SYT1: variants seen among roughly 807,000 people sequenced by gnomAD.
SYT1 encodes the protein synaptotagmin 1.
SYT1 carries 8 observed loss-of-function variants against 44.8 expected under a neutral mutation model. That is an observed-to-expected ratio of 0.18 (90% CI 0.10 to 0.32). The LOEUF (loss-of-function observed/expected upper bound fraction) is 0.32, where lower values mean the gene tolerates loss of function less well. Among genes scored for constraint, SYT1 ranks in the 10% least tolerant of loss-of-function variants. The pLI, the probability that SYT1 is intolerant of heterozygous loss-of-function variation, is 1.00. For synonymous variants in SYT1, 154 were observed against 188.8 expected (o/e 0.82, Z 1.51); for missense variants, 286 against 509.3 (o/e 0.56, Z 4.22).
intron 4 of SYT1, among the ~76,000 whole-genome samples, chr12:79,282,038 GAGACTCTTCAAATC>G (rs1294331140): frequency 6.6e-6 from 1 of 152,100 alleles, no homozygotes; most frequent in Non-Finnish European, 1.5e-5. Context: ...ACCAGCAACA[GAGACTCTTCAAATC>G]TCCCTCTCTC....
intron 1 of SYT1, among the ~76,000 whole-genome samples, chr12:78,880,991 T>G (rs1485263440): frequency 1.3e-5 from 2 of 151,690 alleles, no homozygotes; most frequent in East Asian, 3.9e-4. Context: ...TTTTTCCAAC[T>G]GGCTTTTCTA....
At chr12:79,118,480 A>T (rs1879420223) in intron 3 of SYT1, among the ~76,000 whole-genome samples, 1 of 152,202 alleles carries the variant, frequency 6.6e-6, no homozygotes, top group African/African-American at 2.4e-5. Flanking sequence ...TCTTGATGTA[A>T]AAACTAATGG....
At chr12:78,921,864 G>A (rs141516146) in intron 1 of SYT1, among the ~76,000 whole-genome samples, 1 of 151,810 alleles carries the variant, frequency 6.6e-6, no homozygotes, top group African/African-American at 2.4e-5. Context: ...AGGATGAGGT[G>A]ATTTTGTAAA....
At chr12:79,078,154 G>A (rs1876788580) in intron 3 of SYT1, among the ~76,000 whole-genome samples, 1 of 152,034 alleles carries the variant, frequency 6.6e-6, no homozygotes, top group African/African-American at 2.4e-5. Context: ...TCATTGTCCA[G>A]TTGTAATTTA....
chr12:79,080,037 T>C (rs538503315), intron 3 of SYT1, among the ~76,000 whole-genome samples: 2 of 152,226 alleles, frequency 1.3e-5, no homozygotes, highest in Non-Finnish European at 1.5e-5. Context: ...AGTACAATAT[T>C]TTCTATTATT....
intron 1 of SYT1, among the ~76,000 whole-genome samples, chr12:78,922,897 G>T (rs1038975994): frequency 1.3e-5 from 2 of 151,856 alleles, no homozygotes; most frequent in Non-Finnish European, 2.9e-5. Context: ...TAAAAAATGT[G>T]GTTACTTGCC....
intron 2 of SYT1, among the ~76,000 whole-genome samples, chr12:79,012,710 T>C (rs1871496025): frequency 6.6e-6 from 1 of 152,208 alleles, no homozygotes; most frequent in South Asian, 2.1e-4. Flanking sequence ...AACAGCCAGC[T>C]GTCTACAAAC....
intron 3 of SYT1, among the ~76,000 whole-genome samples, chr12:79,052,726 CA>C (rs1400878651): frequency 2.0e-5 from 3 of 152,152 alleles, no homozygotes; most frequent in African/African-American, 2.4e-5. Context: ...CAAAAGAAGA[CA>C]TTTATGCAGC....
chr12:78,945,684 T>C (rs1380891037), intron 1 of SYT1, among the ~76,000 whole-genome samples: 2 of 152,106 alleles, frequency 1.3e-5, no homozygotes, highest in Admixed American at 6.6e-5. Flanking sequence ...TCTTTACTAA[T>C]GTAGATTTTG....
At chr12:79,375,710 T>C (rs2136059302) in intron 9 of SYT1, among the ~76,000 whole-genome samples, 1 of 152,352 alleles carries the variant, frequency 6.6e-6, no homozygotes, top group African/African-American at 2.4e-5. Flanking sequence ...TTATTGCTCA[T>C]AGTGTCACAA....
intron 3 of SYT1, among the ~76,000 whole-genome samples, chr12:79,166,633 G>A (rs942666816): frequency 6.6e-6 from 1 of 151,910 alleles, no homozygotes; most frequent in Admixed American, 6.6e-5. Flanking sequence ...AACCCTGGGG[G>A]ATAACATGCT....
At chr12:78,887,954 T>C (rs1276782367) in intron 1 of SYT1, among the ~76,000 whole-genome samples, 1 of 151,896 alleles carries the variant, frequency 6.6e-6, no homozygotes, top group Non-Finnish European at 1.5e-5. Context: ...CTGAATTTTA[T>C]TTCTAAAGAG....
chr12:79,112,742 T>C (rs2138097195), intron 3 of SYT1, among the ~76,000 whole-genome samples: 1 of 152,274 alleles, frequency 6.6e-6, no homozygotes. Flanking sequence ...TGAGTTTTTA[T>C]ACTAAACAAA....
At chr12:78,947,482 C>G (rs969313395) in intron 1 of SYT1, among the ~76,000 whole-genome samples, 46 of 146,916 alleles carry the variant, frequency 3.1e-4, no homozygotes, top group Admixed American at 5.5e-4. Flanking sequence ...CAAATTTAGC[C>G]AGATGACAGA....
intron 2 of SYT1, among the ~76,000 whole-genome samples, chr12:79,040,312 A>G (rs1471097294): frequency 1.3e-5 from 2 of 151,952 alleles, no homozygotes; most frequent in Non-Finnish European, 2.9e-5. Flanking sequence ...AATGATTGCC[A>G]TTCTAACTGG....
At chr12:78,895,830 T>C (rs1186014337) in intron 1 of SYT1, among the ~76,000 whole-genome samples, 1 of 151,764 alleles carries the variant, frequency 6.6e-6, no homozygotes, top group Non-Finnish European at 1.5e-5. Flanking sequence ...TCATTGGAGT[T>C]TCAACCTAGA....
intron 2 of SYT1, among the ~76,000 whole-genome samples, chr12:79,040,013 A>G (rs1873431028): frequency 6.6e-6 from 1 of 151,066 alleles, no homozygotes; most frequent in African/African-American, 2.4e-5. Flanking sequence ...TTCTTAATCC[A>G]GTCTATCATT....
At chr12:79,284,215 C>A (rs190800051) in intron 4 of SYT1, among the ~76,000 whole-genome samples, 1 of 152,012 alleles carries the variant, frequency 6.6e-6, no homozygotes, top group Non-Finnish European at 1.5e-5. Context: ...TTCCATGTCA[C>A]CTTATTTTTT....
intron 4 of SYT1, among the ~76,000 whole-genome samples, chr12:79,238,542 C>T (rs886430717): frequency 6.6e-5 from 10 of 152,102 alleles, no homozygotes; most frequent in Non-Finnish European, 1.2e-4. Context: ...AAGCGGTGAG[C>T]GTGAACTGTT....
Sources: gnomAD v4.1 joint callset for allele counts (sites outside exome capture counted in the v4.1 genomes callset) on GRCh38, gnomAD v4.1.1 for gene constraint, MANE v1.5 for transcripts, NCBI Gene and HGNC (gene_info 2026-07-23, HGNC 2026-07-21) for gene names.